TYW1B: variants seen among roughly 807,000 people sequenced by gnomAD.
TYW1B encodes tRNA-yW synthesizing protein 1 homolog B, also known as S-adenosyl-L-methionine-dependent tRNA 4-demethylwyosine synthase TYW1B.
In TYW1B, 73 loss-of-function variants were observed where a neutral mutation model predicts 86.9. The observed-to-expected ratio is 0.84, with a 90% CI of 0.70 to 1.02. The LOEUF is 1.02. TYW1B is among the 50% of genes least tolerant of loss of function. The probability of loss-of-function intolerance (pLI) is 0.00; values close to 1 mark genes in which losing one functional copy is unlikely to be tolerated. For missense variants in TYW1B, 637 were observed against 827.4 expected (o/e 0.77, Z 2.82); for synonymous variants, 248 against 292.8 (o/e 0.85, Z 1.56).
rs181584083 is a variant in TYW1B, at chr7:72,807,932, C to T, written c.433-576G>A. ...AAAATATTTACATATCTACGCCAGGCGAAGTGTCTCACGTCTGTAATCCCA... is the reference window on the plus strand; with the variant it reads ...AAAATATTTACATATCTACGCCAGGTGAAGTGTCTCACGTCTGTAATCCCA... On this transcript the variant is annotated intron_variant, in intron 4 of 13. Coordinates refer to ENST00000620995, the MANE Select transcript of TYW1B (RefSeq NM_001145440.3). Among the ~76,000 whole-genome samples, 331 of 152,034 alleles carry T rather than the reference C, an allele frequency of 2.2e-3. 1 individual carries two copies. Among genetic ancestry groups the T allele is most frequent in the Non-Finnish European group, 4.2e-3 (284 of 67,982 alleles).
intron 11 of TYW1B, among the ~76,000 whole-genome samples, chr7:72,647,178 G>T (rs1422131223): frequency 1.3e-5 from 2 of 152,106 alleles, no homozygotes; most frequent in Non-Finnish European, 2.9e-5. Context: ...AATTGGCAAA[G>T]ATTTTTTTTA....
intron 7 of TYW1B, among the ~76,000 whole-genome samples, chr7:72,775,844 A>C (rs1554470446): frequency 6.6e-6 from 1 of 152,214 alleles, no homozygotes; most frequent in Non-Finnish European, 1.5e-5. Context: ...GAAAATGGTA[A>C]CTACATAAAG....
intron 11 of TYW1B, among the ~76,000 whole-genome samples, chr7:72,693,409 C>CTTA (rs1814221915): frequency 7.7e-6 from 1 of 129,450 alleles, no homozygotes; most frequent in East Asian, 2.2e-4. Context: ...TTGCAGACAT[C>CTTA]TTTTTTTTTT....
At chr7:72,726,826 T>C (rs1787007148) in intron 9 of TYW1B, among the ~76,000 whole-genome samples, 1 of 152,116 alleles carries the variant, frequency 6.6e-6, no homozygotes, top group Non-Finnish European at 1.5e-5. Flanking sequence ...AGAGGTTTGA[T>C]TGACTCGCAG....
chr7:72,807,008 C>T (rs1453124182), intron 5 of TYW1B, 58 bp downstream of exon 5: 1 of 1,569,398 alleles, frequency 6.4e-7, no homozygotes, highest in African/African-American at 1.3e-5. Context: ...AGAGCTCAAG[C>T]TCGAGATCTC....
chr7:72,759,238 G>C (rs1787647551), intron 7 of TYW1B, among the ~76,000 whole-genome samples: 1 of 152,116 alleles, frequency 6.6e-6, no homozygotes, highest in South Asian at 2.1e-4. Context: ...GGGAGGCTCA[G>C]GTGTGAAGAT....
chr7:72,649,188 G>A (rs1455261759), intron 11 of TYW1B, among the ~76,000 whole-genome samples: 1 of 152,142 alleles, frequency 6.6e-6, no homozygotes, highest in African/African-American at 2.4e-5. Context: ...CTCAAAGAAC[G>A]AATGACTAGT....
chr7:72,617,185 T>A (rs561623248), intron 12 of TYW1B, among the ~76,000 whole-genome samples: 39 of 152,286 alleles, frequency 2.6e-4, no homozygotes, highest in Admixed American at 1.8e-3. Context: ...ATTGAGGAAT[T>A]ATGAAGGGGT....
At chr7:72,629,618 C>CTCACCACAGCCTCTA (rs1812435381) in intron 11 of TYW1B, among the ~76,000 whole-genome samples, 1 of 152,130 alleles carries the variant, frequency 6.6e-6, no homozygotes, top group Non-Finnish European at 1.5e-5. Flanking sequence ...GCAATCATAA[C>CTCACCACAGCCTCTA]TCACCACAGC....
chr7:72,605,854 G>A (rs1585842199), intron 13 of TYW1B, among the ~76,000 whole-genome samples: 1 of 152,098 alleles, frequency 6.6e-6, no homozygotes, highest in African/African-American at 2.4e-5. Context: ...GAGTTCACCT[G>A]GAAATAATCT....
At chr7:72,653,925 C>CA (rs1197035981) in intron 11 of TYW1B, among the ~76,000 whole-genome samples, 10 of 151,662 alleles carry the variant, frequency 6.6e-5, no homozygotes, top group African/African-American at 2.4e-4. Context: ...ATTAAAAATA[C>CA]AAAAATTAGC....
At position 72,802,465 on chromosome 7, in the gene TYW1B, T is replaced by C. The variant is rs781989509; in HGVS notation, c.781A>G (p.Ser261Gly). Residue 261 changes from serine to glycine, a missense_variant, in exon 6 of 14, where the codon AGC (serine) becomes GGC (glycine). By Grantham distance (56) the Ser-to-Gly change is moderately conservative. Transcript: ENST00000620995. ...EEEFGGEDHQ[S>G]LNSIVDVEDL... ...TCAACATCAACAATGGAATTTAGGC[T>C]CTGATGGTCCTCACCACCAAACTCT... 6.2e-7 allele frequency: 1 copy of C among 1,613,932 alleles called. No homozygotes were observed. The highest frequency in any genetic ancestry group is 1.7e-5 in the Admixed American group (1 of 60,006).
chr7:72,826,983 G>T lies in TYW1B; in HGVS notation c.7C>A (p.Pro3Thr). MD[P>T]SADTWDLSSP... ...GAGAGGTCCCATGTATCCGCAGAAG[G>T]ATCTAAATTTAAAATGACACACACA... Residue 3 changes from proline to threonine, a missense_variant and splice_region_variant, in exon 2 of 14, where the codon CCT (proline) becomes ACT (threonine). Physicochemically the swap from Pro to Thr is conservative, Grantham distance 38. Coordinates refer to ENST00000620995, the MANE Select transcript of TYW1B (RefSeq NM_001145440.3). The T allele has an allele frequency of 1.9e-6, 3 of 1,600,916 alleles. No homozygotes were observed. The highest frequency in any genetic ancestry group is 2.2e-5 in the East Asian group (1 of 44,714).
chr7:72,670,596 G>T (rs1813576586), intron 11 of TYW1B, among the ~76,000 whole-genome samples: 1 of 152,200 alleles, frequency 6.6e-6, no homozygotes, highest in South Asian at 2.1e-4. Flanking sequence ...AGGTTGCATA[G>T]CTATTATAGC....
intron 11 of TYW1B, among the ~76,000 whole-genome samples, chr7:72,649,361 C>T (rs1409844362): frequency 6.6e-6 from 1 of 152,100 alleles, no homozygotes; most frequent in Admixed American, 6.6e-5. Context: ...AAACCACCAC[C>T]ACAAGATGAA....
Position 72,810,452 on chromosome 7 carries a change from T to A in TYW1B, c.432+19A>T, listed in dbSNP as rs782262734. 208 of 1,591,980 alleles carry A rather than the reference T, an allele frequency of 1.3e-4. 2 individuals carry two copies. Among genetic ancestry groups the A allele is most frequent in the Non-Finnish European group, 1.7e-4 (203 of 1,167,630 alleles). On this transcript the variant is annotated intron_variant, in intron 4 of 13. Transcript: ENST00000620995. ...TGTTTATGGGGAGAATTTATTCCTA[T>A]AATTCAATATAGACCTACCTTGTTG...
At chr7:72,695,768 A>T (rs563890778) in intron 10 of TYW1B, among the ~76,000 whole-genome samples, 2 of 151,738 alleles carry the variant, frequency 1.3e-5, no homozygotes, top group South Asian at 4.2e-4. Flanking sequence ...AATTTTTAAA[A>T]TTTTTTTGTA....
At chr7:72,817,055 C>T (rs1366198300) in intron 2 of TYW1B, among the ~76,000 whole-genome samples, 1 of 152,048 alleles carries the variant, frequency 6.6e-6, no homozygotes. Flanking sequence ...GAAGTGGGGG[C>T]AGTCTTGTGG....
intron 11 of TYW1B, among the ~76,000 whole-genome samples, chr7:72,636,741 C>G (rs1181390161): frequency 6.6e-6 from 1 of 152,182 alleles, no homozygotes; most frequent in Non-Finnish European, 1.5e-5. Context: ...TTAAACAAAA[C>G]TCGCATTCTT....
Sources: gnomAD v4.1 joint callset for allele counts (sites outside exome capture counted in the v4.1 genomes callset) on GRCh38, gnomAD v4.1.1 for gene constraint, MANE v1.5 for transcripts, NCBI Gene and HGNC (gene_info 2026-07-23, HGNC 2026-07-21) for gene names.